PTPRD: variants seen among roughly 807,000 people sequenced by gnomAD.
PTPRD encodes receptor-type tyrosine-protein phosphatase delta.
A neutral mutation model predicts 214.5 loss-of-function variants in PTPRD; 34 were observed. The observed-to-expected ratio is 0.16, with a 90% confidence interval of 0.12 to 0.21. PTPRD has a LOEUF of 0.21. Ranked by LOEUF, PTPRD falls within the 10% of genes least tolerant of loss-of-function variation. The pLI is 1.00. For missense variants in PTPRD, 2,545 were observed against 2,398.7 expected, an observed-to-expected ratio of 1.06 and a Z score of -1.27; for synonymous variants, 1,128 against 845.7, an observed-to-expected ratio of 1.33 and a Z score of -5.79.
chr9:10,233,459 A>G (rs551113905), intron 3 of PTPRD, among the ~76,000 whole-genome samples: 10 of 152,158 alleles, frequency 6.6e-5, no homozygotes, highest in African/African-American at 2.4e-4. Flanking sequence ...CCAAAATTTC[A>G]AAGTCCAACA....
intron 3 of PTPRD, among the ~76,000 whole-genome samples, chr9:10,264,213 C>A (rs1273614830): frequency 6.6e-6 from 1 of 152,192 alleles, no homozygotes; most frequent in Non-Finnish European, 1.5e-5. Context: ...AGAGTCCCCA[C>A]TGGGGCGCTG....
rs73644717 is a variant in PTPRD, at chr9:9,421,751, G to A, written c.-236-24269C>T. ...CAGCTGTACCCTTATTGAAAAGCTC[G>A]TTTGGTATTGTAGCTAATAGGATTT... On this transcript the variant is annotated intron_variant, in intron 8 of 45. Coordinates refer to ENST00000381196, the MANE Select transcript of PTPRD (RefSeq NM_002839.4). Among the ~76,000 whole-genome samples, 883 of 152,160 alleles carry A rather than the reference G, an allele frequency of 5.8e-3. 9 individuals are homozygous for A. The highest frequency in any genetic ancestry group is 0.019 in the African/African-American group (791 of 41,530).
chr9:8,939,105 C>A (rs2099015422), intron 11 of PTPRD, among the ~76,000 whole-genome samples: 2 of 152,078 alleles, frequency 1.3e-5, no homozygotes, highest in Admixed American at 1.3e-4. Context: ...ATTTAGAATA[C>A]CGCAAGGTCT....
chr9:8,606,274 G>A (rs148811414), intron 14 of PTPRD, among the ~76,000 whole-genome samples: 45 of 152,160 alleles, frequency 3.0e-4, no homozygotes, highest in Non-Finnish European at 5.4e-4. Flanking sequence ...GTAGCCAATA[G>A]GCATGATTCT....
intron 7 of PTPRD, among the ~76,000 whole-genome samples, chr9:9,645,481 T>TATATATA (rs551083492): frequency 2.8e-5 from 4 of 142,312 alleles, no homozygotes; most frequent in South Asian, 2.3e-4. Context: ...ATATATATAT[T>TATATATA]TTCTATTTGC....
intron 14 of PTPRD, among the ~76,000 whole-genome samples, chr9:8,624,679 A>C (rs536542779): frequency 1.3e-5 from 2 of 151,972 alleles, no homozygotes; most frequent in African/African-American, 4.8e-5. Context: ...ATCACCCCCA[A>C]CCCTACAGAT....
chr9:8,894,355 CAA>C (rs34776407), intron 11 of PTPRD, among the ~76,000 whole-genome samples: 199 of 74,424 alleles, frequency 2.7e-3, no homozygotes, highest in South Asian at 3.6e-3. Context: ...GACTCCATCT[CAA>C]AAAAAAAAAA....
intron 3 of PTPRD, among the ~76,000 whole-genome samples, chr9:10,092,531 A>C (rs958936686): frequency 6.6e-6 from 1 of 151,476 alleles, no homozygotes; most frequent in Non-Finnish European, 1.5e-5. Context: ...AAAAACTGCA[A>C]ATTTTAAATT....
chr9:9,019,305 A>G (rs543585517), intron 10 of PTPRD, among the ~76,000 whole-genome samples: 19 of 93,256 alleles, frequency 2.0e-4, no homozygotes, highest in African/African-American at 4.6e-4. Context: ...AGAAAGAAAG[A>G]AAGAAAGAAA....
At chr9:10,509,442 G>A (rs2047191837) in intron 2 of PTPRD, among the ~76,000 whole-genome samples, 1 of 145,052 alleles carries the variant, frequency 6.9e-6, no homozygotes, top group African/African-American at 2.5e-5. Flanking sequence ...ACTCTTTCAT[G>A]TTGGCTCCTG....
At chr9:9,702,414 G>A (rs2097524092) in intron 7 of PTPRD, among the ~76,000 whole-genome samples, 1 of 152,138 alleles carries the variant, frequency 6.6e-6, no homozygotes, top group Non-Finnish European at 1.5e-5. Context: ...GGCTTTTTCT[G>A]GGTCAGATGT....
At chr9:9,116,446 T>C (rs998824377) in intron 10 of PTPRD, among the ~76,000 whole-genome samples, 8 of 152,060 alleles carry the variant, frequency 5.3e-5, no homozygotes, top group Non-Finnish European at 1.2e-4. Context: ...GGTGGTATAA[T>C]GGACATGAGA....
chr9:8,532,413 A>G (rs948254634), intron 14 of PTPRD, among the ~76,000 whole-genome samples: 1 of 152,086 alleles, frequency 6.6e-6, no homozygotes, highest in African/African-American at 2.4e-5. Flanking sequence ...GATAACATCA[A>G]TTTTGACGGC....
At chr9:8,818,926 G>C (rs899763944) in intron 11 of PTPRD, among the ~76,000 whole-genome samples, 1 of 152,158 alleles carries the variant, frequency 6.6e-6, no homozygotes, top group African/African-American at 2.4e-5. Flanking sequence ...ACATTTGGAA[G>C]AATAGAGAAT....
At chr9:9,364,620 G>A (rs2057341274) in intron 9 of PTPRD, among the ~76,000 whole-genome samples, 1 of 151,264 alleles carries the variant, frequency 6.6e-6, no homozygotes, top group African/African-American at 2.4e-5. Flanking sequence ...GATTATAGCT[G>A]GAGCAGAAAG....
At chr9:9,884,398 C>G (rs567068667) in intron 5 of PTPRD, among the ~76,000 whole-genome samples, 74 of 152,264 alleles carry the variant, frequency 4.9e-4, no homozygotes, top group South Asian at 1.7e-3. Flanking sequence ...AGGAAGATAC[C>G]TCTTCTCAGA....
chr9:10,449,364 G>A (rs960563389), intron 2 of PTPRD, among the ~76,000 whole-genome samples: 2 of 151,928 alleles, frequency 1.3e-5, no homozygotes, highest in Non-Finnish European at 2.9e-5. Context: ...AGGCTGGAGT[G>A]CAGTGGCGTG....
intron 11 of PTPRD, among the ~76,000 whole-genome samples, chr9:8,819,521 C>T (rs949944603): frequency 2.0e-5 from 3 of 151,924 alleles, no homozygotes; most frequent in Middle Eastern, 3.4e-3. Context: ...ATTAACCAGG[C>T]GAGGTGGCAC....
intron 5 of PTPRD, among the ~76,000 whole-genome samples, chr9:9,929,176 G>T (rs2085454673): frequency 6.6e-6 from 1 of 152,102 alleles, no homozygotes; most frequent in Non-Finnish European, 1.5e-5. Flanking sequence ...CCACATTTAG[G>T]ATGTGCATAC....
Sources: gnomAD v4.1 joint callset for allele counts (sites outside exome capture counted in the v4.1 genomes callset) on GRCh38, gnomAD v4.1.1 for gene constraint, MANE v1.5 for transcripts, NCBI Gene and HGNC (gene_info 2026-07-23, HGNC 2026-07-21) for gene names.